Variants in LYST observed in about 807,000 individuals in gnomAD.
LYST encodes lysosomal trafficking regulator.
A neutral mutation model predicts 413.6 loss-of-function variants in LYST; 192 were observed. That is an observed-to-expected ratio of 0.46 (90% CI 0.41 to 0.52). LYST has a LOEUF of 0.52. LYST is among the 20% of genes least tolerant of loss of function. LYST has a pLI of 0.00. For missense variants in LYST, 3,815 were observed against 4,499.9 expected (o/e 0.85, Z 4.35); for synonymous variants, 1,525 against 1,567.3 (o/e 0.97, Z 0.64).
chr1:235,720,874 G>T lies in LYST; in HGVS notation c.9347C>A (p.Thr3116Lys), dbSNP rs769152918. 1.2e-6 allele frequency: 2 copies of T among 1,613,522 alleles called. No individual in the cohort carries two copies. Among genetic ancestry groups the T allele is most frequent in the East Asian group, 4.5e-5 (2 of 44,870 alleles). The part of the protein sequence containing the change: ...VRDDVYHNIL[T>K]NNLPNLLEYG... The stretch of plus-strand genomic sequence containing the variant: ...TTCCAGAAGATTAGGGAGGTTATTT[G>T]TGAGTATATTGTGGTATACATCATC... The change falls in exon 40 of 53, where the codon ACA (threonine) becomes AAA (lysine). Residue 3116 changes from threonine (T) to lysine (K), a missense_variant. By Grantham distance (78) the Thr-to-Lys change is moderately conservative. Around this residue, in one of 4 missense-constraint regions of LYST, gnomAD observed 866 missense variants for 1,156.0 expected, o/e 0.75. Transcript: ENST00000389793.
chr1:235,777,627 T>G (rs1392856899), intron 16 of LYST, among the ~76,000 whole-genome samples: 1 of 152,202 alleles, frequency 6.6e-6, no homozygotes, highest in Non-Finnish European at 1.5e-5. Flanking sequence ...ACCACACTTA[T>G]TACATACCAG....
chr1:235,764,303 G>T (rs1353737867), intron 21 of LYST, among the ~76,000 whole-genome samples: 1 of 151,890 alleles, frequency 6.6e-6, no homozygotes, highest in African/African-American at 2.4e-5. Context: ...CCCTCAACTA[G>T]GCTGTAAACG....
intron 3 of LYST, among the ~76,000 whole-genome samples, chr1:235,814,119 G>C (rs1274288737): frequency 6.6e-6 from 1 of 152,120 alleles, no homozygotes; most frequent in African/African-American, 2.4e-5. Flanking sequence ...GATCTAAAAG[G>C]ACCCACAGGT....
At chr1:235,832,854 AT>A (rs1558315488) in intron 2 of LYST, among the ~76,000 whole-genome samples, 4 of 152,004 alleles carry the variant, frequency 2.6e-5, no homozygotes, top group African/African-American at 4.8e-5. Flanking sequence ...GGCGCTTTAT[AT>A]TTTTGCCATT....
chr1:235,827,560 A>G (rs1475355127), intron 3 of LYST: 1 of 978,894 alleles, frequency 1.0e-6, no homozygotes, highest in Non-Finnish European at 1.2e-6. Flanking sequence ...ATATCATTCA[A>G]TTAATTCCCC....
Position 235,810,294 on chromosome 1 carries a change from T to G in LYST, c.524A>C (p.Lys175Thr), listed in dbSNP as rs745373967. 6.2e-7 allele frequency: 1 copy of G among 1,614,156 alleles called. No homozygotes were observed. The highest frequency in any genetic ancestry group is 1.7e-5 in the Admixed American group (1 of 60,012). Residue 175 changes from lysine to threonine, a missense_variant, in exon 5 of 53, where the codon AAA becomes ACA. Lys to Thr is a moderately conservative substitution (Grantham distance 78). Around this residue, in one of 4 missense-constraint regions of LYST, gnomAD observed 1,648 missense variants for 1,810.3 expected, o/e 0.91. Coordinates refer to ENST00000389793, the MANE Select transcript of LYST (RefSeq NM_000081.4). ...TCTATGCTTATTCATTGCTATGCCT[T>G]TTTCATCTGAATTGGCTTCTGAATC... ...TSDSEANSDE[K>T]GIAMNKHRRP...
intron 45 of LYST, among the ~76,000 whole-genome samples, chr1:235,699,172 C>T (rs139296428): frequency 1.6e-4 from 24 of 152,132 alleles, no homozygotes; most frequent in African/African-American, 5.8e-4. Flanking sequence ...ATACGTGTGC[C>T]ATGGTGGTTT....
chr1:235,731,241 AT>A, intron 34 of LYST, 64 bp from the exon 35 acceptor site: 1 of 1,421,682 alleles, frequency 7.0e-7, no homozygotes. Flanking sequence ...TATAAAAAAA[AT>A]CATTATAGAG....
At position 235,757,432 on chromosome 1, in the gene LYST, A is replaced by G; in HGVS notation, c.6908T>C (p.Ile2303Thr). 6.2e-7 allele frequency: 1 copy of G among 1,613,684 alleles called. No homozygotes were observed. Among genetic ancestry groups the G allele is most frequent in the Non-Finnish European group, 8.5e-7 (1 of 1,179,702 alleles). Residue 2303 changes from isoleucine to threonine, a missense_variant, in exon 24 of 53, where the codon ATA (isoleucine) becomes ACA (threonine). Coordinates refer to ENST00000389793, the MANE Select transcript of LYST (RefSeq NM_000081.4). ...HSVTEDCLVPICCGLYELLSG... is the reference protein window; with the variant it reads ...HSVTEDCLVPTCCGLYELLSG... ...TAGGAGTTCATATAATCCACAGCAT[A>G]TAGGTACCAAACAGTCTTCAGTTAC...
intron 1 of LYST, chr1:235,840,065 T>C (rs985801001): frequency 1.3e-5 from 2 of 152,172 alleles, no homozygotes; most frequent in Admixed American, 1.3e-4. Context: ...TGTTCCATAT[T>C]CCTCTTCCTG....
Position 235,787,229 on chromosome 1 carries a change from C to T in LYST, c.4833G>A (p.Gly1611=). ...QQPQGKRRIH[G]KISIWVSGQR... Reference sequence around the variant, plus strand: ...GTCCAGAGACCCATATGGAGATTTTCCCATGAATCCTCCTTTTCCCTTGGG... The same window carrying T: ...GTCCAGAGACCCATATGGAGATTTTTCCATGAATCCTCCTTTTCCCTTGGG... Residue 1611 remains glycine, a synonymous_variant, in exon 14 of 53, where the codon GGG becomes GGA. Transcript: ENST00000389793. 6.2e-7 allele frequency: 1 copy of T among 1,613,738 alleles called. No homozygotes were observed. The highest frequency in any genetic ancestry group is 8.5e-7 in the Non-Finnish European group (1 of 1,179,758).
At position 235,770,247 on chromosome 1, in the gene LYST, T is replaced by C. The variant is rs763972274; in HGVS notation, c.5835A>G (p.Ala1945=). The change falls in exon 20 of 53, where the codon GCA becomes GCG. Residue 1945 remains alanine (A), a synonymous_variant. Transcript: ENST00000389793. The part of the protein sequence containing the change: ...LLAALEVLIR[A]DHHQQMFNIK... Reference sequence around the variant, plus strand: ...TATTAAACATCTGCTGGTGGTGATCTGCTCTGATGAGGACTTCTAGAGCTG... The same window carrying C: ...TATTAAACATCTGCTGGTGGTGATCCGCTCTGATGAGGACTTCTAGAGCTG... The C allele has an allele frequency of 6.2e-7, 1 of 1,613,682 alleles. No individual in the cohort carries two copies. The highest frequency in any genetic ancestry group is 1.1e-5 in the South Asian group (1 of 91,074).
intron 1 of LYST, among the ~76,000 whole-genome samples, chr1:235,859,813 C>T (rs1212426789): frequency 6.6e-6 from 1 of 152,110 alleles, no homozygotes; most frequent in African/African-American, 2.4e-5. Context: ...TCATCTTACA[C>T]GAATTGAAAG....
chr1:235,830,711 A>G (rs1233056701), intron 2 of LYST, among the ~76,000 whole-genome samples: 3 of 152,184 alleles, frequency 2.0e-5, no homozygotes, highest in Non-Finnish European at 4.4e-5. Context: ...TTTAAGAGAG[A>G]AGACTTTCTT....
chr1:235,710,962 G>T (rs773775039), intron 43 of LYST, among the ~76,000 whole-genome samples: 1 of 152,124 alleles, frequency 6.6e-6, no homozygotes, highest in Non-Finnish European at 1.5e-5. Context: ...GCTGCCTAAG[G>T]CTTCATCTCC....
At chr1:235,669,044 C>G (rs189702994) in intron 50 of LYST, among the ~76,000 whole-genome samples, 1 of 152,294 alleles carries the variant, frequency 6.6e-6, no homozygotes, top group East Asian at 1.9e-4. Context: ...AATAACAAAA[C>G]CCTAACAGGT....
chr1:235,787,044 CAAT>C (rs1670497807), intron 14 of LYST, 153 bp downstream of exon 14: 1 of 596,764 alleles, frequency 1.7e-6, no homozygotes, highest in South Asian at 2.1e-5. Context: ...ACTTAAAGTA[CAAT>C]AATAATAAAA....
At chr1:235,837,395 A>C (rs1286644424) in intron 1 of LYST, among the ~76,000 whole-genome samples, 1 of 152,162 alleles carries the variant, frequency 6.6e-6, no homozygotes, top group East Asian at 1.9e-4. Flanking sequence ...TGGGAAGGTG[A>C]GGTAGGCTAA....
chr1:235,771,134 T>C (rs578168847), intron 19 of LYST, among the ~76,000 whole-genome samples: 1 of 152,206 alleles, frequency 6.6e-6, no homozygotes, highest in Admixed American at 6.5e-5. Context: ...CTTTATAAGA[T>C]AGAGCCAAGA....
Sources: allele counts gnomAD v4.1 joint callset (sites outside exome capture counted in the v4.1 genomes callset), GRCh38; gene constraint gnomAD v4.1.1; regional missense constraint gnomAD v4.1.1; transcripts MANE v1.5; gene names NCBI Gene and HGNC (gene_info 2026-07-23, HGNC 2026-07-21).